The following CEP63 variants were observed in gnomAD, a reference collection of about 807,000 sequenced individuals.
The protein encoded by CEP63 is centrosomal protein 63.
A neutral mutation model predicts 89.1 loss-of-function variants in CEP63; 84 were observed. The ratio of observed to expected loss-of-function variants is 0.94; its 90% confidence interval spans 0.79 to 1.13. The LOEUF is 1.13. CEP63 is among the 50% of genes most tolerant of loss of function. The pLI is 0.00. For missense variants in CEP63, 838 were observed against 813.3 expected (o/e 1.03, Z -0.37); for synonymous variants, 267 against 272.5 (o/e 0.98, Z 0.20).
the CEP63 span, among the ~76,000 whole-genome samples, chr3:134,717,230 T>C: frequency 6.6e-6 from 1 of 152,216 alleles, no homozygotes; most frequent in South Asian, 2.1e-4. Flanking sequence ...ATGAGGCTGT[T>C]TAAACTCCTA....
chr3:134,527,818 A>G (rs1948967892), intron 3 of CEP63, among the ~76,000 whole-genome samples: 1 of 152,176 alleles, frequency 6.6e-6, no homozygotes, highest in Admixed American at 6.5e-5. Flanking sequence ...CAGCAGGCCA[A>G]GGGGTGGTCA....
the CEP63 span, chr3:134,651,594 TG>T: frequency 1.0e-6 from 1 of 988,968 alleles, no homozygotes; most frequent in East Asian, 1.1e-4. Context: ...AGGAGGGAGT[TG>T]GGTGGGGTGT....
the CEP63 span, among the ~76,000 whole-genome samples, chr3:134,670,222 C>T: frequency 6.6e-6 from 1 of 152,200 alleles, no homozygotes; most frequent in Admixed American, 6.5e-5. Context: ...TTTTGAGGCT[C>T]TCTGAGCTAT....
intron 2 of CEP63, among the ~76,000 whole-genome samples, chr3:134,497,365 C>T (rs956108561): frequency 9.2e-5 from 14 of 152,018 alleles, no homozygotes; most frequent in African/African-American, 3.4e-4. Context: ...AGCATTTCCT[C>T]TATATTTTCT....
chr3:134,557,934 G>A (rs1438944555), intron 12 of CEP63, among the ~76,000 whole-genome samples: 1 of 152,036 alleles, frequency 6.6e-6, no homozygotes, highest in African/African-American at 2.4e-5. Flanking sequence ...GCCACACAAG[G>A]AAGCCCGTTG....
the CEP63 span, among the ~76,000 whole-genome samples, chr3:134,741,177 AT>A: frequency 2.0e-5 from 3 of 152,166 alleles, no homozygotes; most frequent in African/African-American, 4.8e-5. Flanking sequence ...TTCTCTGCCC[AT>A]CTTCATCCCT....
chr3:134,733,123 A>C, the CEP63 span, among the ~76,000 whole-genome samples: 1 of 152,126 alleles, frequency 6.6e-6, no homozygotes, highest in Non-Finnish European at 1.5e-5. Context: ...ATTATATTAC[A>C]CAGTAAGCTT....
chr3:134,650,057 C>T, the CEP63 span, among the ~76,000 whole-genome samples: 5 of 152,210 alleles, frequency 3.3e-5, no homozygotes, highest in Admixed American at 2.6e-4. Context: ...GCTTATTTAA[C>T]CTCCATTATC....
chr3:134,758,969 T>C, the CEP63 span, among the ~76,000 whole-genome samples: 1 of 152,240 alleles, frequency 6.6e-6, no homozygotes, highest in South Asian at 2.1e-4. Context: ...ATCACGAGGG[T>C]CCTTATAAAA....
intron 6 of CEP63, among the ~76,000 whole-genome samples, chr3:134,539,418 T>C (rs1253905033): frequency 6.6e-6 from 1 of 152,206 alleles, no homozygotes; most frequent in African/African-American, 2.4e-5. Context: ...GAGCAAATCA[T>C]AGATATCATC....
chr3:134,693,419 G>A, the CEP63 span, among the ~76,000 whole-genome samples: 1 of 150,356 alleles, frequency 6.7e-6, no homozygotes, highest in Non-Finnish European at 1.5e-5. Flanking sequence ...AAAGTTTTGG[G>A]TTATTTCCAG....
At chr3:134,592,469 G>GGTGTGTGTGTGTGTGTGTGTGTGT (rs34973626), downstream of CEP63, among the ~76,000 whole-genome samples, 233 of 125,192 alleles carry the variant, frequency 1.9e-3, 11 homozygotes, top group Admixed American at 4.2e-3. Context: ...TCTGCAAACT[G>GGTGTGTGTGTGTGTGTGTGTGTGT]GTGTGTGTGT....
intron 1 of CEP63, among the ~76,000 whole-genome samples, chr3:134,490,167 G>A (rs569360563): frequency 1.3e-5 from 2 of 151,980 alleles, no homozygotes; most frequent in South Asian, 4.2e-4. Context: ...GCCAGAGTTA[G>A]GAAATATTAT....
chr3:134,544,643 G>GGGC (rs1553774766), intron 6 of CEP63, among the ~76,000 whole-genome samples: 20 of 147,828 alleles, frequency 1.4e-4, no homozygotes, highest in African/African-American at 4.0e-4. Flanking sequence ...AGGTGGGGGG[G>GGGC]GGAATTTAAA....
chr3:134,672,736 T>C, the CEP63 span, among the ~76,000 whole-genome samples: 1 of 152,226 alleles, frequency 6.6e-6, no homozygotes. Flanking sequence ...GTCCTGGCTC[T>C]CTACGTACTC....
At chr3:134,713,556 G>A in the CEP63 span, among the ~76,000 whole-genome samples, 24 of 152,248 alleles carry the variant, frequency 1.6e-4, no homozygotes, top group African/African-American at 4.6e-4. Flanking sequence ...ATCCTACATG[G>A]CATCATGGAA....
chr3:134,533,543 T>C (rs28409322), intron 5 of CEP63, among the ~76,000 whole-genome samples: 48,370 of 152,124 alleles, frequency 0.32, 7,973 homozygotes, highest in African/African-American at 0.36. Flanking sequence ...ATTGTATATA[T>C]TGAGAACTTA....
chr3:134,656,225 T>G, the CEP63 span, among the ~76,000 whole-genome samples: 1 of 151,868 alleles, frequency 6.6e-6, no homozygotes, highest in Non-Finnish European at 1.5e-5. Context: ...TCCTCAGGGA[T>G]GAATGAGTAG....
chr3:134,518,896 C>A (rs1946805797), intron 3 of CEP63, among the ~76,000 whole-genome samples: 1 of 151,758 alleles, frequency 6.6e-6, no homozygotes, highest in African/African-American at 2.4e-5. Context: ...AAATTGATAA[C>A]CTTGGCAAGA....
Sources: allele counts gnomAD v4.1 joint callset (sites outside exome capture counted in the v4.1 genomes callset), GRCh38; gene constraint gnomAD v4.1.1; transcripts MANE v1.5; gene names NCBI Gene and HGNC (gene_info 2026-07-23, HGNC 2026-07-21).